The following SPOCK3 variants were observed in gnomAD, a reference collection of about 807,000 sequenced individuals.
SPOCK3 encodes the protein SPARC (osteonectin), cwcv and kazal like domains proteoglycan 3, also known as testican-3.
SPOCK3 carries 30 observed loss-of-function variants against 56.6 expected under a neutral mutation model. That is an observed-to-expected ratio of 0.53 (90% confidence interval 0.40 to 0.72). The LOEUF (loss-of-function observed/expected upper bound fraction) is 0.72. Ranked by LOEUF, SPOCK3 falls within the 30% of genes least tolerant of loss-of-function variation. SPOCK3 has a pLI of 0.00. For missense variants in SPOCK3, 527 were observed against 530.0 expected (o/e 0.99, Z 0.06); for synonymous variants, 196 against 183.3 (o/e 1.07, Z -0.56).
chr4:166,849,530 G>C (rs931643528), intron 6 of SPOCK3, among the ~76,000 whole-genome samples: 4 of 152,002 alleles, frequency 2.6e-5, no homozygotes, highest in African/African-American at 7.2e-5. Flanking sequence ...GGTTTCATAA[G>C]AGAACAAGAA....
At chr4:166,996,178 C>G (rs896991944) in intron 4 of SPOCK3, among the ~76,000 whole-genome samples, 4 of 152,088 alleles carry the variant, frequency 2.6e-5, no homozygotes, top group Admixed American at 2.6e-4. Context: ...GTCAAAAGCA[C>G]TTCCTTATTC....
rs929057449 is a variant in SPOCK3, at chr4:166,824,477, A to G, written c.590-32188T>C. Among the ~76,000 whole-genome samples the G allele has an allele frequency of 2.0e-5, 3 of 152,056 alleles. 1 individual carries two copies. Among genetic ancestry groups the G allele is most frequent in the African/African-American group, 7.2e-5 (3 of 41,416 alleles). On this transcript the variant is annotated intron_variant, in intron 6 of 10. Transcript: ENST00000357545. The stretch of plus-strand genomic sequence containing the variant: ...ACTGATCTAAGTTAATTTGCTACTG[A>G]CACATTTCTGAATGAGCATGTGATC...
chr4:166,867,821 A>G (rs1731997797), intron 6 of SPOCK3, among the ~76,000 whole-genome samples: 1 of 151,800 alleles, frequency 6.6e-6, no homozygotes, highest in Non-Finnish European at 1.5e-5. Context: ...GGAAAAACTG[A>G]AATTGAGAAA....
At chr4:167,134,703 T>C (rs957680049) in intron 2 of SPOCK3, among the ~76,000 whole-genome samples, 2 of 152,206 alleles carry the variant, frequency 1.3e-5, no homozygotes, top group African/African-American at 2.4e-5. Flanking sequence ...ACTTCAAAAG[T>C]CGTATTTACC....
At chr4:167,217,304 AC>A (rs1735456921) in intron 2 of SPOCK3, among the ~76,000 whole-genome samples, 1 of 152,068 alleles carries the variant, frequency 6.6e-6, no homozygotes, top group Non-Finnish European at 1.5e-5. Flanking sequence ...GGCTGAAAAT[AC>A]CGAGGAAAAA....
chr4:167,126,770 T>C (rs1228377738), intron 2 of SPOCK3, among the ~76,000 whole-genome samples: 1 of 151,472 alleles, frequency 6.6e-6, no homozygotes, highest in Non-Finnish European at 1.5e-5. Flanking sequence ...ACATACGCAG[T>C]AACACCAGCA....
At chr4:167,135,476 AGTT>A (rs1266016091) in intron 2 of SPOCK3, among the ~76,000 whole-genome samples, 4 of 152,174 alleles carry the variant, frequency 2.6e-5, no homozygotes, top group African/African-American at 9.7e-5. Flanking sequence ...AATCACAAGT[AGTT>A]GTAATCTTTC....
At chr4:167,068,000 CCTCA>C (rs1049768995) in intron 2 of SPOCK3, among the ~76,000 whole-genome samples, 26 of 151,624 alleles carry the variant, frequency 1.7e-4, no homozygotes, top group Admixed American at 4.6e-4. Flanking sequence ...AAAATGAATA[CCTCA>C]CTGTTTAATG....
At chr4:166,841,287 T>C (rs1452420607) in intron 6 of SPOCK3, among the ~76,000 whole-genome samples, 4 of 152,286 alleles carry the variant, frequency 2.6e-5, no homozygotes, top group Admixed American at 1.3e-4. Flanking sequence ...TTTCCATTTC[T>C]GTCTGTGGAG....
chr4:166,744,506 G>A (rs1233255220), intron 8 of SPOCK3, among the ~76,000 whole-genome samples: 1 of 152,048 alleles, frequency 6.6e-6, no homozygotes, highest in Non-Finnish European at 1.5e-5. Flanking sequence ...ACCAAAGGTA[G>A]ATAAAACCAG....
chr4:167,161,829 G>GA (rs1765338607), intron 2 of SPOCK3, among the ~76,000 whole-genome samples: 2 of 137,004 alleles, frequency 1.5e-5, no homozygotes, highest in Non-Finnish European at 3.0e-5. Context: ...TCATAGGTGG[G>GA]AATTGAACAA....
At chr4:167,047,795 C>T (rs1753858050) in intron 3 of SPOCK3, among the ~76,000 whole-genome samples, 1 of 152,186 alleles carries the variant, frequency 6.6e-6, no homozygotes, top group South Asian at 2.1e-4. Flanking sequence ...CGCCTGTAAT[C>T]CCAGCACTTG....
chr4:167,032,809 T>C (rs901639675), intron 3 of SPOCK3, among the ~76,000 whole-genome samples: 1 of 152,072 alleles, frequency 6.6e-6, no homozygotes, highest in African/African-American at 2.4e-5. Flanking sequence ...AATTATAAGC[T>C]GCATTTCTAA....
intron 2 of SPOCK3, among the ~76,000 whole-genome samples, chr4:167,208,469 A>G (rs995134972): frequency 1.3e-5 from 2 of 152,152 alleles, no homozygotes; most frequent in African/African-American, 4.8e-5. Flanking sequence ...TTAGGAAATC[A>G]GTAGAGAACA....
At chr4:167,098,641 G>T (rs897289728) in intron 2 of SPOCK3, among the ~76,000 whole-genome samples, 9 of 151,828 alleles carry the variant, frequency 5.9e-5, no homozygotes, top group Non-Finnish European at 1.2e-4. Context: ...ACAGAACAAA[G>T]TCCAACGATT....
intron 2 of SPOCK3, among the ~76,000 whole-genome samples, chr4:167,102,833 C>T (rs1049544161): frequency 6.8e-6 from 1 of 147,744 alleles, no homozygotes; most frequent in Admixed American, 6.9e-5. Flanking sequence ...AAGTCCTAGG[C>T]TCAGAGACAG....
intron 7 of SPOCK3, among the ~76,000 whole-genome samples, chr4:166,779,879 G>A (rs994719215): frequency 2.0e-5 from 3 of 151,988 alleles, no homozygotes; most frequent in Non-Finnish European, 4.4e-5. Flanking sequence ...ACACATAGAG[G>A]TAAACAATAA....
intron 6 of SPOCK3, among the ~76,000 whole-genome samples, chr4:166,850,026 A>G (rs1388516848): frequency 7.0e-6 from 1 of 143,570 alleles, no homozygotes; most frequent in Non-Finnish European, 1.6e-5. Flanking sequence ...AATAATGGAA[A>G]GAATGCTACT....
chr4:166,958,775 G>C (rs538910690), intron 4 of SPOCK3, among the ~76,000 whole-genome samples: 2 of 152,224 alleles, frequency 1.3e-5, no homozygotes, highest in African/African-American at 4.8e-5. Flanking sequence ...CCTTCTACTA[G>C]AACCTAAGGT....
Sources: allele counts gnomAD v4.1 joint callset (sites outside exome capture counted in the v4.1 genomes callset), GRCh38; gene constraint gnomAD v4.1.1; transcripts MANE v1.5; gene names NCBI Gene and HGNC (gene_info 2026-07-23, HGNC 2026-07-21).